Variants in AP3S2 observed in about 807,000 individuals in gnomAD.
AP3S2 encodes AP-3 complex subunit sigma-2.
AP3S2 carries 22 observed loss-of-function variants against 23.4 expected under a neutral mutation model. That is an observed-to-expected ratio of 0.94 (90% CI 0.67 to 1.34). AP3S2 has a LOEUF of 1.34. AP3S2 is among the 40% of genes most tolerant of loss of function. AP3S2 has a pLI of 0.00. For synonymous variants in AP3S2, 86 were observed against 87.1 expected (o/e 0.99, Z 0.07); for missense variants, 241 against 236.9 (o/e 1.02, Z -0.11).
intron 4 of AP3S2, among the ~76,000 whole-genome samples, chr15:89,849,353 T>C (rs1895578034): frequency 6.6e-6 from 1 of 152,186 alleles, no homozygotes; most frequent in South Asian, 2.1e-4. Flanking sequence ...TCATTGTTAA[T>C]ATCTAAGTAA....
At chr15:89,868,727 G>T (rs1596208824) in intron 4 of AP3S2, among the ~76,000 whole-genome samples, 1 of 108,844 alleles carries the variant, frequency 9.2e-6, no homozygotes. Context: ...CAGCCGCCCC[G>T]TCTGGGAGGT....
At chr15:89,874,409 G>A (rs1180676550) in intron 3 of AP3S2, among the ~76,000 whole-genome samples, 1 of 152,176 alleles carries the variant, frequency 6.6e-6, no homozygotes, top group Non-Finnish European at 1.5e-5. Flanking sequence ...TGAGAAACAA[G>A]GCTGTTTATT....
chr15:89,878,310 G>C, intron 3 of AP3S2: 1 of 653,302 alleles, frequency 1.5e-6, no homozygotes, highest in Non-Finnish European at 2.7e-6. Flanking sequence ...CCTACATAAA[G>C]CAAAAAGACC....
chr15:89,863,557 AAAAG>A (rs1333256849), intron 4 of AP3S2, among the ~76,000 whole-genome samples: 1 of 152,218 alleles, frequency 6.6e-6, no homozygotes, highest in East Asian at 1.9e-4. Context: ...GAGGAGGTGA[AAAAG>A]AGAGAAGCAG....
intron 3 of AP3S2, among the ~76,000 whole-genome samples, chr15:89,873,812 T>C (rs1896376380): frequency 6.6e-6 from 1 of 152,040 alleles, no homozygotes; most frequent in Non-Finnish European, 1.5e-5. Flanking sequence ...ATGGGTCTTA[T>C]TTTATTTCTA....
At position 89,885,414 on chromosome 15, in the gene AP3S2, G is replaced by A. The variant is rs540256691; in HGVS notation, c.273+3107C>T. Among the ~76,000 whole-genome samples the A allele has an allele frequency of 2.6e-5, 4 of 152,058 alleles. No homozygotes were observed. The South Asian group carries it at 8.3e-4, about 32-fold the overall frequency. The stretch of plus-strand genomic sequence containing the variant: ...GACGAAGTTTCACCATGTTGGTCAG[G>A]CTGGTCTCAAACTCCTGGTCTCAAG... On this transcript the variant is annotated intron_variant, in intron 3 of 5. Transcript: ENST00000336418.
At chr15:89,849,550 T>G (rs1272697435) in intron 4 of AP3S2, among the ~76,000 whole-genome samples, 1 of 152,030 alleles carries the variant, frequency 6.6e-6, no homozygotes, top group African/African-American at 2.4e-5. Context: ...GTATTTTTAG[T>G]AGAGACGGGG....
chr15:89,849,662 C>T (rs1297655769), intron 4 of AP3S2, among the ~76,000 whole-genome samples: 1 of 152,068 alleles, frequency 6.6e-6, no homozygotes, highest in South Asian at 2.1e-4. Context: ...CCACTGCGCC[C>T]AGCCTATGAA....
intron 4 of AP3S2, among the ~76,000 whole-genome samples, chr15:89,866,507 T>C (rs1896125041): frequency 6.7e-6 from 1 of 148,530 alleles, no homozygotes; most frequent in Non-Finnish European, 1.5e-5. Flanking sequence ...TTTTTTGAAA[T>C]GGAGTTTTGC....
chr15:89,877,347 A>G (rs749486817), intron 3 of AP3S2: 52 of 1,301,266 alleles, frequency 4.0e-5, no homozygotes, highest in Non-Finnish European at 4.4e-5. Context: ...TTCTGATGTC[A>G]GGTCCTTGTT....
intron 1 of AP3S2, chr15:89,889,481 AT>A (rs1896770137): frequency 4.3e-6 from 1 of 232,392 alleles, no homozygotes; most frequent in Non-Finnish European, 8.6e-6. Context: ...ATCCTGAAAT[AT>A]TTTGTCTTCC....
rs1039594846 is a variant in AP3S2, at chr15:89,835,124, A to G, written c.*391T>C. ...CTAAGGATGAAGACTCTACTCAGAG[A>G]AGGTGCTCAGCCCTAGTGAGGAGGT... On this transcript the variant is annotated 3_prime_UTR_variant, in exon 6 of 6. Transcript: ENST00000336418. 5.9e-5 allele frequency: 15 copies of G among 252,454 alleles called. No individual in the cohort carries two copies. The highest frequency in any genetic ancestry group is 2.2e-5 in the African/African-American group (1 of 45,130). 15.6% of individuals were successfully genotyped at this position (252,454 alleles called of 1,614,324 possible). A position where few individuals can be genotyped will look rare whatever the true frequency, so the allele number is the denominator to read the frequency against.
chr15:89,885,201 GTT>G (rs1269151421), intron 3 of AP3S2, among the ~76,000 whole-genome samples: 1 of 142,682 alleles, frequency 7.0e-6, no homozygotes. Flanking sequence ...TTTTGTTCTT[GTT>G]TTTTTTTTTG....
In AP3S2 at chr15:89,893,559, C is replaced by A. The variant is rs1156983534; in HGVS notation, c.69+322G>T. 2.5e-5 allele frequency: 10 copies of A among 403,732 alleles called. No homozygotes were observed. In the East Asian group the frequency reaches 3.2e-4, roughly 13 times the overall value. 25.0% of individuals were successfully genotyped at this position (403,732 alleles called of 1,614,324 possible). A position where few individuals can be genotyped will look rare whatever the true frequency, so the allele number is the denominator to read the frequency against. On this transcript the variant is annotated intron_variant, in intron 1 of 5. Coordinates refer to ENST00000336418, the MANE Select transcript of AP3S2 (RefSeq NM_005829.5). ...CCAAAAAGATGACAGAATGTGACTT[C>A]AATCACTCAAGTTCTCATCGAGGCA...
At chr15:89,863,685 C>T (rs573744155) in intron 4 of AP3S2, among the ~76,000 whole-genome samples, 1 of 152,146 alleles carries the variant, frequency 6.6e-6, no homozygotes, top group African/African-American at 2.4e-5. Flanking sequence ...TTTACACAGG[C>T]CTACTACTCC....
chr15:89,852,600 G>A (rs1472454483), intron 4 of AP3S2: 1 of 152,204 alleles, frequency 6.6e-6, no homozygotes, highest in South Asian at 2.1e-4. Flanking sequence ...GTAAGTCCCT[G>A]CCCTCTACCC....
intron 4 of AP3S2, among the ~76,000 whole-genome samples, chr15:89,857,045 T>TAGA (rs1895858142): frequency 6.6e-6 from 1 of 152,172 alleles, no homozygotes; most frequent in Non-Finnish European, 1.5e-5. Flanking sequence ...TAGAAACAGT[T>TAGA]AGAATTAAAA....
At chr15:89,869,053 A>G (rs1204272886) in intron 4 of AP3S2, among the ~76,000 whole-genome samples, 1 of 150,446 alleles carries the variant, frequency 6.6e-6, no homozygotes, top group South Asian at 2.1e-4. Flanking sequence ...CCCGGCCACC[A>G]CCCCGTCTGG....
At chr15:89,888,799 A>G in intron 2 of AP3S2, 167 bp from the exon 3 acceptor site, 1 of 848,230 alleles carries the variant, frequency 1.2e-6, no homozygotes, top group Non-Finnish European at 1.8e-6. Context: ...AGAGGTACCT[A>G]AAGCCACCTT....
Sources: allele counts gnomAD v4.1 joint callset (sites outside exome capture counted in the v4.1 genomes callset), GRCh38; gene constraint gnomAD v4.1.1; transcripts MANE v1.5; gene names NCBI Gene and HGNC (gene_info 2026-07-23, HGNC 2026-07-21).